The following STK39 variants were observed in gnomAD, a reference collection of about 807,000 sequenced individuals.
STK39 encodes STE20/SPS1-related proline-alanine-rich protein kinase.
A neutral mutation model predicts 77.8 loss-of-function variants in STK39; 20 were observed. The observed-to-expected ratio is 0.26, with a 90% CI of 0.18 to 0.37. The LOEUF (loss-of-function observed/expected upper bound fraction) is 0.37. Ranked by LOEUF, STK39 falls within the 10% of genes least tolerant of loss-of-function variation. The probability of loss-of-function intolerance (pLI) is 1.00; values close to 1 mark genes in which losing one functional copy is unlikely to be tolerated. For synonymous variants in STK39, 246 were observed against 234.1 expected, an observed-to-expected ratio of 1.05 and a Z score of -0.47; for missense variants, 479 against 656.5, an observed-to-expected ratio of 0.73 and a Z score of 2.95.
At chr2:168,215,449 A>G (rs1048117828) in intron 1 of STK39, among the ~76,000 whole-genome samples, 2 of 152,224 alleles carry the variant, frequency 1.3e-5, no homozygotes, top group African/African-American at 4.8e-5. Flanking sequence ...CAGAGAATAC[A>G]CAGGGCGTTA....
intron 5 of STK39, among the ~76,000 whole-genome samples, chr2:168,152,522 A>G (rs1165480897): frequency 6.6e-6 from 1 of 152,216 alleles, no homozygotes. Flanking sequence ...GCATAGAGTT[A>G]AGAAGTATAT....
chr2:168,195,943 G>A (rs1445865039), intron 1 of STK39, among the ~76,000 whole-genome samples: 1 of 152,172 alleles, frequency 6.6e-6, no homozygotes, highest in Non-Finnish European at 1.5e-5. Flanking sequence ...CTTGAACCTG[G>A]GAGGTGGAGA....
intron 5 of STK39, among the ~76,000 whole-genome samples, chr2:168,151,307 C>G (rs576041933): frequency 6.4e-4 from 97 of 152,256 alleles, no homozygotes; most frequent in African/African-American, 2.2e-3. Context: ...AAAAGAAACA[C>G]AAAGAAGCAA....
At chr2:167,999,864 GAAGCA>G (rs1358650875) in intron 16 of STK39, among the ~76,000 whole-genome samples, 2 of 152,198 alleles carry the variant, frequency 1.3e-5, no homozygotes, top group Non-Finnish European at 2.9e-5. Flanking sequence ...CTTCTGCATG[GAAGCA>G]GGTACCACTC....
intron 8 of STK39, among the ~76,000 whole-genome samples, chr2:168,131,854 C>G (rs1687704946): frequency 6.6e-6 from 1 of 152,148 alleles, no homozygotes; most frequent in Admixed American, 6.5e-5. Flanking sequence ...GATGTTTTTG[C>G]CTCTAGCTAT....
intron 14 of STK39, among the ~76,000 whole-genome samples, chr2:168,045,372 C>T (rs191570159): frequency 2.6e-4 from 39 of 151,872 alleles, no homozygotes; most frequent in East Asian, 1.6e-3. Context: ...ACACCCCCTG[C>T]AGCAGGCCAG....
At chr2:168,236,231 C>T (rs1384668563) in intron 1 of STK39, among the ~76,000 whole-genome samples, 1 of 151,882 alleles carries the variant, frequency 6.6e-6, no homozygotes, top group Non-Finnish European at 1.5e-5. Flanking sequence ...TTTCATGTGT[C>T]TTTTGGCTGC....
chr2:168,184,816 T>C (rs1286974794), intron 1 of STK39, among the ~76,000 whole-genome samples: 1 of 152,222 alleles, frequency 6.6e-6, no homozygotes, highest in Admixed American at 6.5e-5. Flanking sequence ...AGCTTTAGTA[T>C]GACATGTTTT....
At chr2:168,019,536 T>C (rs1291596898) in intron 14 of STK39, among the ~76,000 whole-genome samples, 1 of 152,208 alleles carries the variant, frequency 6.6e-6, no homozygotes, top group African/African-American at 2.4e-5. Flanking sequence ...ACATAACTTA[T>C]GCACAAAATT....
intron 1 of STK39, among the ~76,000 whole-genome samples, chr2:168,221,101 T>C (rs2105717953): frequency 6.6e-6 from 1 of 152,306 alleles, no homozygotes; most frequent in Non-Finnish European, 1.5e-5. Flanking sequence ...ATGAGCAGGA[T>C]GATAGGAAGT....
intron 1 of STK39, among the ~76,000 whole-genome samples, chr2:168,232,492 T>A (rs912499160): frequency 6.6e-6 from 1 of 152,202 alleles, no homozygotes; most frequent in African/African-American, 2.4e-5. Flanking sequence ...AAAACGAGCA[T>A]CCAACTGTAA....
intron 10 of STK39, among the ~76,000 whole-genome samples, chr2:168,113,719 G>T (rs560724460): frequency 4.5e-4 from 68 of 152,318 alleles, no homozygotes; most frequent in African/African-American, 1.6e-3. Context: ...TATTAAAAAT[G>T]CAGAGTCCTG....
intron 13 of STK39, 70 bp from the exon 14 acceptor site, chr2:168,063,640 A>C: frequency 7.2e-7 from 1 of 1,398,422 alleles, no homozygotes; most frequent in South Asian, 1.3e-5. Flanking sequence ...TCACAATATC[A>C]CTTGATTCAT....
chr2:168,209,014 G>C (rs926489527), intron 1 of STK39, among the ~76,000 whole-genome samples: 8 of 152,302 alleles, frequency 5.3e-5, no homozygotes, highest in African/African-American at 1.9e-4. Context: ...GGTAGAACAA[G>C]CTTAGTGGCT....
intron 1 of STK39, among the ~76,000 whole-genome samples, chr2:168,214,053 C>T (rs567866059): frequency 4.6e-5 from 7 of 152,082 alleles, no homozygotes; most frequent in African/African-American, 7.2e-5. Flanking sequence ...CCTGAGAGGC[C>T]GGTGGACAAC....
chr2:168,247,438 T>C lies in STK39; in HGVS notation c.-3A>G. On this transcript the variant is annotated 5_prime_UTR_variant, in exon 1 of 18. Transcript: ENST00000355999. ...GGCGAGCCGCTCGGCTCCGCCATGA[T>C]GCTGCGGAGGAGAGCAGGAGGACGC... is the stretch of plus-strand genomic sequence containing the variant. The C allele has an allele frequency of 7.8e-7, 1 of 1,279,656 alleles. No individual in the cohort carries two copies. The highest frequency in any genetic ancestry group is 1.0e-6 in the Non-Finnish European group (1 of 1,000,900). 79.3% of individuals were successfully genotyped at this position (1,279,656 alleles called of 1,614,324 possible). A position where few individuals can be genotyped will look rare whatever the true frequency, so the allele number is the denominator to read the frequency against.
In STK39 at chr2:168,075,250, A is replaced by G. The variant is rs755364840; in HGVS notation, c.1090-19T>C. The G allele has an allele frequency of 5.6e-6, 9 of 1,613,078 alleles. No individual in the cohort carries two copies. Among genetic ancestry groups the G allele is most frequent in the Middle Eastern group, 1.6e-4 (1 of 6,062 alleles). On this transcript the variant is annotated intron_variant, in intron 10 of 17. Transcript: ENST00000355999. ...TTCTTACCTGAATCAAAACAAGCCC[A>G]CACAATTCTTCACTAGTCAAATGTG... is the stretch of plus-strand genomic sequence containing the variant.
intron 12 of STK39, among the ~76,000 whole-genome samples, chr2:168,068,320 A>G (rs1685849013): frequency 6.6e-6 from 1 of 152,232 alleles, no homozygotes; most frequent in Admixed American, 6.5e-5. Flanking sequence ...TGGAGACAAG[A>G]AAGAGACAAC....
intron 14 of STK39, among the ~76,000 whole-genome samples, chr2:168,053,638 A>C (rs1574424300): frequency 1.3e-5 from 2 of 152,310 alleles, no homozygotes; most frequent in East Asian, 3.9e-4. Context: ...TCAAGGAAAA[A>C]ACAGTATTAT....
Sources: gnomAD v4.1 joint callset for allele counts (sites outside exome capture counted in the v4.1 genomes callset) on GRCh38, gnomAD v4.1.1 for gene constraint, MANE v1.5 for transcripts, NCBI Gene and HGNC (gene_info 2026-07-23, HGNC 2026-07-21) for gene names.